Variants in FBXO8 observed in about 807,000 individuals in gnomAD.
The protein encoded by FBXO8 is F-box protein 8, also known as F-box only protein 8.
In FBXO8, 15 loss-of-function variants were observed where a neutral mutation model predicts 33.4. The ratio of observed to expected loss-of-function variants is 0.45; its 90% confidence interval spans 0.30 to 0.69. The LOEUF is 0.69. FBXO8 is among the 30% of genes least tolerant of loss of function. The pLI is 0.08. For synonymous variants in FBXO8, 132 were observed against 131.5 expected (o/e 1.00, Z -0.02); for missense variants, 274 against 380.3 (o/e 0.72, Z 2.32).
intron 3 of FBXO8, among the ~76,000 whole-genome samples, chr4:174,246,011 T>C (rs1231054533): frequency 6.6e-6 from 1 of 151,894 alleles, no homozygotes; most frequent in Non-Finnish European, 1.5e-5. Context: ...TAGAAAGGCA[T>C]AGTAGGCAGT....
chr4:174,280,265 T>C (rs1324718493), intron 1 of FBXO8, among the ~76,000 whole-genome samples: 1 of 151,636 alleles, frequency 6.6e-6, no homozygotes, highest in Non-Finnish European at 1.5e-5. Context: ...ATTAGGGAAA[T>C]ACAAATCAAA....
chr4:174,269,673 C>T (rs1271141328), intron 1 of FBXO8, among the ~76,000 whole-genome samples: 2 of 133,946 alleles, frequency 1.5e-5, no homozygotes, highest in East Asian at 2.6e-4. Context: ...GAGTGAGACT[C>T]GTCTCAAAAA....
intron 1 of FBXO8, among the ~76,000 whole-genome samples, chr4:174,279,506 T>C (rs1007882058): frequency 1.8e-4 from 27 of 152,122 alleles, no homozygotes; most frequent in Non-Finnish European, 1.2e-4. Context: ...AAAAAAATTC[T>C]AAAATCCACA....
chr4:174,248,749 G>C (rs1014052665), intron 3 of FBXO8, among the ~76,000 whole-genome samples: 1 of 151,962 alleles, frequency 6.6e-6, no homozygotes, highest in African/African-American at 2.4e-5. Context: ...GTTTGAATTG[G>C]CAAGGATTTC....
At chr4:174,280,097 G>C (rs1378732467) in intron 1 of FBXO8, among the ~76,000 whole-genome samples, 2 of 152,034 alleles carry the variant, frequency 1.3e-5, no homozygotes, top group Non-Finnish European at 2.9e-5. Context: ...TCATGTATCT[G>C]ATAAAATCTA....
chr4:174,250,566 G>A (rs1335511376), intron 3 of FBXO8, among the ~76,000 whole-genome samples: 1 of 152,044 alleles, frequency 6.6e-6, no homozygotes, highest in Non-Finnish European at 1.5e-5. Flanking sequence ...TTGTTATAAA[G>A]AAGGCATCTC....
rs1736903146 is a variant in FBXO8, at chr4:174,274,316, G to A, written c.-9+9094C>T. Among the ~76,000 whole-genome samples the A allele has an allele frequency of 1.3e-5, 2 of 152,206 alleles. No individual in the cohort carries two copies. Among genetic ancestry groups the A allele is most frequent in the South Asian group, 2.1e-4 (1 of 4,814 alleles). Reference sequence around the variant, plus strand: ...AACGGATAATAATTCTTATTCCATGGGACTTAGTAGGGATAACATTTATGG... The same window carrying A: ...AACGGATAATAATTCTTATTCCATGAGACTTAGTAGGGATAACATTTATGG... On this transcript the variant is annotated intron_variant, in intron 1 of 5. Transcript: ENST00000393674. This position sits in a 1 kb window ranked among gnomAD's most constrained non-coding sequence, Gnocchi z 4.0.
At chr4:174,269,143 G>A (rs1038393490) in intron 1 of FBXO8, 3 of 152,240 alleles carry the variant, frequency 2.0e-5, no homozygotes, top group Non-Finnish European at 4.4e-5. Flanking sequence ...GCTTCGAAAT[G>A]AAACCAAACA....
Position 174,274,353 on chromosome 4 carries a change from T to A in FBXO8, c.-9+9057A>T, listed in dbSNP as rs917400161. 6.6e-6 allele frequency among the ~76,000 whole-genome samples: 1 copy of A among 152,238 alleles called. No homozygotes were observed. Among genetic ancestry groups the A allele is most frequent in the South Asian group, 2.1e-4 (1 of 4,834 alleles). On this transcript the variant is annotated intron_variant, in intron 1 of 5. Coordinates refer to ENST00000393674, the MANE Select transcript of FBXO8 (RefSeq NM_012180.3). The surrounding 1 kb of genome is among the most constrained non-coding windows in gnomAD (Gnocchi z 4.0). The stretch of plus-strand genomic sequence containing the variant: ...GATAACATTTATGGAACTTAACCCA[T>A]AGTAGGTAGTTTACAATAAAAGGTA...
intron 3 of FBXO8, among the ~76,000 whole-genome samples, chr4:174,246,933 A>G (rs1014488422): frequency 6.6e-6 from 1 of 152,030 alleles, no homozygotes; most frequent in Non-Finnish European, 1.5e-5. Context: ...ATCAACAACG[A>G]TGCAGGATAT....
At chr4:174,266,910 G>A (rs1158555931) in intron 1 of FBXO8, among the ~76,000 whole-genome samples, 1 of 152,164 alleles carries the variant, frequency 6.6e-6, no homozygotes, top group African/African-American at 2.4e-5. Flanking sequence ...TTTATCAAGT[G>A]AAAATAAGCA....
rs2126445103 is a variant in FBXO8, at chr4:174,270,672, A to C, written c.-8-7572T>G. Among the ~76,000 whole-genome samples, 1 of 150,648 alleles carries C rather than the reference A, an allele frequency of 6.6e-6. No homozygotes were observed. The highest frequency in any genetic ancestry group is 1.9e-4 in the East Asian group (1 of 5,138). ...TTGTCTTGTTCCCCAGCTGCAGTGC[A>C]ATGGCGCGATCTCGGCTCACTGCAA... On this transcript the variant is annotated intron_variant, in intron 1 of 5. Transcript: ENST00000393674. The surrounding 1 kb of genome is among the most constrained non-coding windows in gnomAD (Gnocchi z 4.6).
At position 174,244,409 on chromosome 4, in the gene FBXO8, TTTGTTG is replaced by T. The variant is rs770913375; in HGVS notation, c.457-3197_457-3192del. ...ATCATTTGTCTTTGCTTGATTCAAT[TTTGTTG>T]TTGTTGTTGTTGTTCTTACATTTTC... On this transcript the variant is annotated intron_variant, in intron 3 of 5. Coordinates refer to ENST00000393674, the MANE Select transcript of FBXO8 (RefSeq NM_012180.3). Among the ~76,000 whole-genome samples the T allele has an allele frequency of 4.0e-5, 6 of 151,590 alleles. No individual in the cohort carries two copies. The East Asian group carries it at 9.7e-4, about 24-fold the overall frequency.
Position 174,256,662 on chromosome 4 carries a change from A to G in FBXO8, c.456+3037T>C, listed in dbSNP as rs576081567. Reference sequence around the variant, plus strand: ...TTCCCCTCATTTCTCTGACCTTATTAAGTGTATTGCAATGTCCTTTTTTTC... The same window carrying G: ...TTCCCCTCATTTCTCTGACCTTATTGAGTGTATTGCAATGTCCTTTTTTTC... On this transcript the variant is annotated intron_variant, in intron 3 of 5. Transcript: ENST00000393674. The surrounding 1 kb of genome is among the most constrained non-coding windows in gnomAD (Gnocchi z 4.6). 6.6e-6 allele frequency among the ~76,000 whole-genome samples: 1 copy of G among 152,194 alleles called. No homozygotes were observed. Among genetic ancestry groups the G allele is most frequent in the South Asian group, 2.1e-4 (1 of 4,838 alleles).
intron 1 of FBXO8, among the ~76,000 whole-genome samples, chr4:174,282,893 C>A (rs1737161663): frequency 6.6e-6 from 1 of 152,162 alleles, no homozygotes; most frequent in Non-Finnish European, 1.5e-5. Flanking sequence ...GAGATTAGAA[C>A]CCAGTCGCTG....
chr4:174,264,776 G>C (rs1158189533), intron 1 of FBXO8, among the ~76,000 whole-genome samples: 1 of 148,628 alleles, frequency 6.7e-6, no homozygotes, highest in Non-Finnish European at 1.5e-5. Context: ...CAGTGGTTAA[G>C]CTATACAAAT....
At position 174,270,417 on chromosome 4, in the gene FBXO8, T is replaced by C. The variant is rs980822399; in HGVS notation, c.-8-7317A>G. The stretch of plus-strand genomic sequence containing the variant: ...AAGTTTCCTACTTAGCTAAAGGTCC[T>C]TTTATAGAGCAAACAGCCACTATCA... On this transcript the variant is annotated intron_variant, in intron 1 of 5. Coordinates refer to ENST00000393674, the MANE Select transcript of FBXO8 (RefSeq NM_012180.3). The surrounding 1 kb of genome is among the most constrained non-coding windows in gnomAD (Gnocchi z 4.6). 1.9e-4 allele frequency among the ~76,000 whole-genome samples: 29 copies of C among 152,146 alleles called. No individual in the cohort carries two copies. Among genetic ancestry groups the C allele is most frequent in the Non-Finnish European group, 3.5e-4 (24 of 68,016 alleles).
chr4:174,253,060 A>G lies in FBXO8; in HGVS notation c.456+6639T>C, dbSNP rs1579024515. 6.6e-6 allele frequency among the ~76,000 whole-genome samples: 1 copy of G among 152,192 alleles called. No individual in the cohort carries two copies. Among genetic ancestry groups the G allele is most frequent in the Non-Finnish European group, 1.5e-5 (1 of 68,040 alleles). ...AGATAGATTACACGGATGCCATAAA[A>G]GCATCCTTCAAGGTGAATGGAGCTT... On this transcript the variant is annotated intron_variant, in intron 3 of 5. Transcript: ENST00000393674. This position sits in a 1 kb window ranked among gnomAD's most constrained non-coding sequence, Gnocchi z 4.5.
Position 174,241,967 on chromosome 4 carries a change from A to T in FBXO8, c.457-749T>A, listed in dbSNP as rs1736050751. Among the ~76,000 whole-genome samples, 1 of 151,522 alleles carries T rather than the reference A, an allele frequency of 6.6e-6. No individual in the cohort carries two copies. Among genetic ancestry groups the T allele is most frequent in the Admixed American group, 6.6e-5 (1 of 15,182 alleles). On this transcript the variant is annotated intron_variant, in intron 3 of 5. Transcript: ENST00000393674. This position sits in a 1 kb window ranked among gnomAD's most constrained non-coding sequence, Gnocchi z 4.2. ...TTTAAACCACCACCAACAAAACACC[A>T]CCAACAAAAAAATCAAATGCTGAAA...
Sources: allele counts gnomAD v4.1 joint callset (sites outside exome capture counted in the v4.1 genomes callset), GRCh38; gene constraint gnomAD v4.1.1; non-coding constraint Gnocchi (gnomAD v3.1); transcripts MANE v1.5; gene names NCBI Gene and HGNC (gene_info 2026-07-23, HGNC 2026-07-21).